The following ZNF804B variants were observed in gnomAD, a reference collection of about 807,000 sequenced individuals.
ZNF804B encodes zinc finger protein 804B.
Under a neutral mutation model 101.4 loss-of-function variants are expected in ZNF804B, and 80 were observed. That is an observed-to-expected ratio of 0.79 (90% CI 0.66 to 0.95). The LOEUF (loss-of-function observed/expected upper bound fraction) is 0.95. ZNF804B is among the 40% of genes least tolerant of loss of function. The probability of loss-of-function intolerance (pLI) is 0.00; values close to 1 mark genes in which losing one functional copy is unlikely to be tolerated. For missense variants in ZNF804B, 1,673 were observed against 1,561.9 expected (o/e 1.07, Z -1.20); for synonymous variants, 622 against 558.8 (o/e 1.11, Z -1.59).
At chr7:88,794,304 G>T in intron 1 of ZNF804B, 1 of 1,613,826 alleles carries the variant, frequency 6.2e-7, no homozygotes, top group Non-Finnish European at 8.5e-7. Context: ...AGTACTTTAT[G>T]ATTTGTTCTG....
At chr7:89,267,172 A>T (rs1208840) in intron 2 of ZNF804B, among the ~76,000 whole-genome samples, 114,276 of 151,960 alleles carry the variant, frequency 0.75, 44,218 homozygotes, top group African/African-American at 0.9. Context: ...CACCTTTTTA[A>T]CCCATTCCCT....
At chr7:89,301,811 C>T (rs1562940860) in intron 2 of ZNF804B, among the ~76,000 whole-genome samples, 1 of 151,824 alleles carries the variant, frequency 6.6e-6, no homozygotes. Context: ...GCCTAAGGAC[C>T]AGTTTCCCTT....
intron 1 of ZNF804B, among the ~76,000 whole-genome samples, chr7:89,033,474 C>T (rs1788872610): frequency 6.6e-6 from 1 of 152,058 alleles, no homozygotes; most frequent in Non-Finnish European, 1.5e-5. Flanking sequence ...TGGATAAATA[C>T]TGAAAAGTGG....
At chr7:88,917,307 T>C (rs1792649919) in intron 1 of ZNF804B, among the ~76,000 whole-genome samples, 1 of 152,040 alleles carries the variant, frequency 6.6e-6, no homozygotes, top group South Asian at 2.1e-4. Context: ...ATTCAAATGG[T>C]CTGAACCATG....
Position 88,781,860 on chromosome 7 carries a change from G to A in ZNF804B, c.108+21776G>A, listed in dbSNP as rs544653057. Among the ~76,000 whole-genome samples the A allele has an allele frequency of 2.6e-5, 4 of 152,134 alleles. No homozygotes were observed. In the South Asian group the frequency reaches 6.2e-4, roughly 24 times the overall value. On this transcript the variant is annotated intron_variant, in intron 1 of 3. Coordinates refer to ENST00000333190, the MANE Select transcript of ZNF804B (RefSeq NM_181646.5). ...AGCTTCAAGAGACAAAAACCCCCGC[G>A]ACACTTTACCTGACTTAAGCATAAA... is the stretch of plus-strand genomic sequence containing the variant.
At position 89,188,981 on chromosome 7, in the gene ZNF804B, C is replaced by T. The variant is rs1210869432; in HGVS notation, c.109-29174C>T. ...GATGAAGGTGGCTATACCAGGCAAC[C>T]GGTTTTCAATGGCAGATGAAAGAGG... On this transcript the variant is annotated intron_variant, in intron 1 of 3. Transcript: ENST00000333190. 3.3e-5 allele frequency among the ~76,000 whole-genome samples: 5 copies of T among 152,170 alleles called. No individual in the cohort carries two copies. The South Asian group carries it at 8.3e-4, about 25-fold the overall frequency.
chr7:89,327,108 G>A (rs932593704), intron 2 of ZNF804B, among the ~76,000 whole-genome samples: 12 of 145,706 alleles, frequency 8.2e-5, no homozygotes, highest in African/African-American at 3.4e-4. Context: ...AGCGAGGCCT[G>A]GGGCCCAGCT....
At position 89,236,149 on chromosome 7, in the gene ZNF804B, T is replaced by G. The variant is rs140144232; in HGVS notation, c.249+17854T>G. Among the ~76,000 whole-genome samples, 361 of 152,256 alleles carry G rather than the reference T, an allele frequency of 2.4e-3. 2 individuals are homozygous for G. The highest frequency in any genetic ancestry group is 8.3e-3 in the African/African-American group (347 of 41,564). ...TATTTGATTAAATTCAATCAACATT[T>G]ATTTAGCTCCTACCATTTGCAAAGA... On this transcript the variant is annotated intron_variant, in intron 2 of 3. Transcript: ENST00000333190.
intron 1 of ZNF804B, among the ~76,000 whole-genome samples, chr7:88,906,334 C>G (rs1792469734): frequency 6.6e-6 from 1 of 152,016 alleles, no homozygotes; most frequent in Non-Finnish European, 1.5e-5. Context: ...CCTTTAGGTG[C>G]AAAGTTCAGT....
intron 1 of ZNF804B, among the ~76,000 whole-genome samples, chr7:89,076,689 AT>A (rs1789619343): frequency 6.6e-6 from 1 of 152,204 alleles, no homozygotes; most frequent in Non-Finnish European, 1.5e-5. Flanking sequence ...CTTAAGAGAA[AT>A]TTTTGTATAA....
chr7:89,195,254 A>G (rs1338759908), intron 1 of ZNF804B, among the ~76,000 whole-genome samples: 5 of 148,780 alleles, frequency 3.4e-5, no homozygotes, highest in Non-Finnish European at 7.5e-5. Flanking sequence ...CAAAAACTGG[A>G]AGCATTCCCT....
chr7:88,949,330 T>C (rs571621531), intron 1 of ZNF804B, among the ~76,000 whole-genome samples: 7 of 152,010 alleles, frequency 4.6e-5, no homozygotes, highest in African/African-American at 1.7e-4. Flanking sequence ...ACTCACTGGA[T>C]GCTAATAGCA....
chr7:89,332,331 A>G (rs1225404857), intron 3 of ZNF804B, among the ~76,000 whole-genome samples: 1 of 151,860 alleles, frequency 6.6e-6, no homozygotes, highest in Non-Finnish European at 1.5e-5. Flanking sequence ...AACTTGAGCA[A>G]CATATGGAAG....
At chr7:89,166,580 C>A (rs1791147558) in intron 1 of ZNF804B, among the ~76,000 whole-genome samples, 1 of 152,154 alleles carries the variant, frequency 6.6e-6, no homozygotes, top group East Asian at 1.9e-4. Context: ...TGGTACATAT[C>A]AAGCAATTCA....
intron 1 of ZNF804B, among the ~76,000 whole-genome samples, chr7:88,772,048 C>G (rs1790073887): frequency 6.6e-6 from 1 of 152,002 alleles, no homozygotes; most frequent in Admixed American, 6.6e-5. Context: ...AGGGTTATTG[C>G]CAAGAAGATT....
intron 1 of ZNF804B, among the ~76,000 whole-genome samples, chr7:89,184,298 ATCTGCAAACCAAG>A (rs1336151482): frequency 2.0e-5 from 3 of 152,166 alleles, no homozygotes; most frequent in Non-Finnish European, 4.4e-5. Context: ...TAATTCAGAA[ATCTGCAAACCAAG>A]TCCAGCAGCT....
intron 1 of ZNF804B, among the ~76,000 whole-genome samples, chr7:88,900,662 A>G (rs536099846): frequency 3.8e-4 from 58 of 150,940 alleles, no homozygotes; most frequent in African/African-American, 1.3e-3. Context: ...GTTTAGACAG[A>G]TATTTGAACA....
chr7:89,309,590 T>G (rs1301099556), intron 2 of ZNF804B, among the ~76,000 whole-genome samples: 1 of 151,394 alleles, frequency 6.6e-6, no homozygotes, highest in Non-Finnish European at 1.5e-5. Flanking sequence ...TAAAACCCCA[T>G]CTCTACTAAA....
At chr7:88,833,936 A>T (rs573065423) in intron 1 of ZNF804B, among the ~76,000 whole-genome samples, 1 of 151,948 alleles carries the variant, frequency 6.6e-6, no homozygotes, top group African/African-American at 2.4e-5. Context: ...ATGAGATCAG[A>T]TGTTTTTTCA....
Sources: gnomAD v4.1 joint callset for allele counts (sites outside exome capture counted in the v4.1 genomes callset) on GRCh38, gnomAD v4.1.1 for gene constraint, MANE v1.5 for transcripts, NCBI Gene and HGNC (gene_info 2026-07-23, HGNC 2026-07-21) for gene names.